The following CSMD2 variants were observed in gnomAD, a reference collection of about 807,000 sequenced individuals.
CSMD2 encodes the protein CUB and sushi domain-containing protein 2.
Under a neutral mutation model 398.5 loss-of-function variants are expected in CSMD2, and 130 were observed. The observed-to-expected ratio is 0.33, with a 90% CI of 0.28 to 0.38. CSMD2 has a LOEUF of 0.38. CSMD2 is among the 10% of genes least tolerant of loss of function. CSMD2 has a pLI of 1.00. For synonymous variants in CSMD2, 1,828 were observed against 1,908.5 expected (o/e 0.96, Z 1.10); for missense variants, 3,829 against 4,764.9 (o/e 0.80, Z 5.78).
intron 5 of CSMD2, among the ~76,000 whole-genome samples, chr1:33,879,532 T>C (rs928192015): frequency 4.6e-5 from 7 of 152,112 alleles, no homozygotes; most frequent in African/African-American, 1.4e-4. Flanking sequence ...ACCTGAGTCA[T>C]GTGACCACCT....
In CSMD2 at chr1:33,633,847, T is replaced by C. The variant is rs111330532; in HGVS notation, c.5087-312A>G. 2.0e-5 allele frequency among the ~76,000 whole-genome samples: 3 copies of C among 152,206 alleles called. No homozygotes were observed. The highest frequency in any genetic ancestry group is 7.2e-5 in the African/African-American group (3 of 41,458). Reference sequence around the variant, plus strand: ...CTTTGTTCCTTTCCCAGATAGCAGCTGCAGCAGCTATCTGGAGGCCATCAG... The same window carrying C: ...CTTTGTTCCTTTCCCAGATAGCAGCCGCAGCAGCTATCTGGAGGCCATCAG... On this transcript the variant is annotated intron_variant, in intron 31 of 70. Coordinates refer to ENST00000373381, the MANE Select transcript of CSMD2 (RefSeq NM_001281956.2). This position sits in a 1 kb window ranked among gnomAD's most constrained non-coding sequence, Gnocchi z 5.0.
chr1:34,050,016 G>A (rs1265746332), intron 2 of CSMD2, among the ~76,000 whole-genome samples: 1 of 152,196 alleles, frequency 6.6e-6, no homozygotes, highest in Non-Finnish European at 1.5e-5. Context: ...CTGCAAGCCA[G>A]GATGAAACCT....
At chr1:34,131,348 G>T (rs367791304) in intron 1 of CSMD2, among the ~76,000 whole-genome samples, 5 of 140,812 alleles carry the variant, frequency 3.6e-5, no homozygotes, top group East Asian at 2.0e-4. Context: ...GTGCAGGAGA[G>T]GGGGGGGTCT....
chr1:33,746,164 A>T (rs959804671), intron 13 of CSMD2, among the ~76,000 whole-genome samples: 2 of 152,212 alleles, frequency 1.3e-5, no homozygotes, highest in Non-Finnish European at 2.9e-5. Context: ...TTGAAATATT[A>T]CATTAGCACT....
chr1:33,624,979 A>C lies in CSMD2; in HGVS notation c.5500+72T>G, dbSNP rs1642013524. 1 of 1,470,850 alleles carries C rather than the reference A, an allele frequency of 6.8e-7. No individual in the cohort carries two copies. The highest frequency in any genetic ancestry group is 9.5e-7 in the Non-Finnish European group (1 of 1,055,412). The allele number at this position is 1,470,850 out of a possible 1,614,324, so 91.1% of individuals were successfully genotyped here. A position where few individuals can be genotyped will look rare whatever the true frequency, so the allele number is the denominator to read the frequency against. ...GTGTCGTGGGGCATCACTGGGGCTG[A>C]CTGCCTCCCCTACAGAGAAAGGACT... On this transcript the variant is annotated intron_variant, in intron 34 of 70. Transcript: ENST00000373381. This position sits in a 1 kb window ranked among gnomAD's most constrained non-coding sequence, Gnocchi z 4.7.
At chr1:33,573,852 G>A (rs548472430) in intron 49 of CSMD2, among the ~76,000 whole-genome samples, 3 of 152,198 alleles carry the variant, frequency 2.0e-5, no homozygotes, top group South Asian at 2.1e-4. Context: ...TCACCATCAC[G>A]GAATTTTGTG....
chr1:34,127,946 A>G (rs1662912649), intron 1 of CSMD2, among the ~76,000 whole-genome samples: 1 of 152,008 alleles, frequency 6.6e-6, no homozygotes, highest in Non-Finnish European at 1.5e-5. Flanking sequence ...GGGACCTTGC[A>G]TGGCTGGGCA....
Position 33,537,246 on chromosome 1 carries a change from G to A in CSMD2, c.9806-151C>T, listed in dbSNP as rs982051407. Reference sequence around the variant, plus strand: ...CCCCACCTGAGCCTTGGCCCTGGCTGTCTATTTGACTCCTCGAAGCACACT... The same window carrying A: ...CCCCACCTGAGCCTTGGCCCTGGCTATCTATTTGACTCCTCGAAGCACACT... On this transcript the variant is annotated intron_variant, in intron 61 of 70. Coordinates refer to ENST00000373381, the MANE Select transcript of CSMD2 (RefSeq NM_001281956.2). This position sits in a 1 kb window ranked among gnomAD's most constrained non-coding sequence, Gnocchi z 4.6. 1 of 1,111,962 alleles carries A rather than the reference G, an allele frequency of 9.0e-7. No homozygotes were observed. The highest frequency in any genetic ancestry group is 2.4e-5 in the East Asian group (1 of 41,454). 68.9% of individuals were successfully genotyped at this position (1,111,962 alleles called of 1,614,324 possible). A position where few individuals can be genotyped will look rare whatever the true frequency, so the allele number is the denominator to read the frequency against.
chr1:33,922,997 T>C (rs562425831), intron 4 of CSMD2, among the ~76,000 whole-genome samples: 162 of 152,352 alleles, frequency 1.1e-3, no homozygotes, highest in Non-Finnish European at 1.6e-3. Flanking sequence ...GTATGTATTG[T>C]GGAATGACTA....
At chr1:33,566,722 A>G (rs1659089012) in intron 53 of CSMD2, among the ~76,000 whole-genome samples, 1 of 152,250 alleles carries the variant, frequency 6.6e-6, no homozygotes, top group African/African-American at 2.4e-5. Flanking sequence ...AAAAACCACA[A>G]TGTGCAATGG....
At chr1:33,956,089 G>A (rs1344194215) in intron 3 of CSMD2, among the ~76,000 whole-genome samples, 1 of 151,710 alleles carries the variant, frequency 6.6e-6, no homozygotes, top group Non-Finnish European at 1.5e-5. Context: ...TCCTGGCTCT[G>A]TTCTTTTTAA....
chr1:33,542,255 C>T (rs141316719), intron 58 of CSMD2, among the ~76,000 whole-genome samples: 200 of 152,288 alleles, frequency 1.3e-3, no homozygotes, highest in Middle Eastern at 0.01. Flanking sequence ...CTCAGGAACC[C>T]GTACTGGGTG....
rs12029747 is a variant in CSMD2 at position 34,044,150 on chromosome 1, A to T, written c.405-11444T>A. Among the ~76,000 whole-genome samples the T allele has an allele frequency of 1.6e-3, 238 of 152,128 alleles. 7 individuals are homozygous for T. The East Asian group carries it at 0.045, about 29-fold the overall frequency. ...ATAAATCATGCGGGTGGTGATGCAG[A>T]CCCCCCAACACAGAGACTGACAAAT... On this transcript the variant is annotated intron_variant, in intron 2 of 70. Transcript: ENST00000373381.
Position 34,005,658 on chromosome 1 carries a change from C to T in CSMD2, c.517+26936G>A, listed in dbSNP as rs531707260. On this transcript the variant is annotated intron_variant, in intron 3 of 70. Coordinates refer to ENST00000373381, the MANE Select transcript of CSMD2 (RefSeq NM_001281956.2). ...TATAGTGTCTATGACTGAGTTTCTG[C>T]CTCAGTTTCCTTGACTCATGCTATA... Among the ~76,000 whole-genome samples, 4 of 152,276 alleles carry T rather than the reference C, an allele frequency of 2.6e-5. No individual in the cohort carries two copies. The South Asian group carries it at 6.2e-4, about 24-fold the overall frequency.
intron 6 of CSMD2, among the ~76,000 whole-genome samples, chr1:33,832,170 C>A (rs1323238483): frequency 7.3e-6 from 1 of 137,844 alleles, no homozygotes; most frequent in Non-Finnish European, 1.5e-5. Flanking sequence ...ACCTAATAGA[C>A]ATCTACAGAA....
Position 33,567,758 on chromosome 1 carries a change from A to C in CSMD2, c.8215T>G (p.Cys2739Gly). The C allele has an allele frequency of 6.2e-7, 1 of 1,614,072 alleles. No homozygotes were observed. Among genetic ancestry groups the C allele is most frequent in the Non-Finnish European group, 8.5e-7 (1 of 1,179,990 alleles). Residue 2739 changes from cysteine (C) to glycine (G), a missense_variant, in exon 53 of 71, where the codon TGT becomes GGT. By Grantham distance (159) the Cys-to-Gly change is radical. Around this residue, in one of 5 missense-constraint regions of CSMD2, gnomAD observed 917 missense variants for 1,199.5 expected, o/e 0.76. Transcript: ENST00000373381. ...TTGACAATGGGCTCAGGAGTCCCAC[A>C]GTGTCCAGCTTTGGTGAGGGATGGG... Reference protein sequence around the residue: ...SSPSLTKAGHCGTPEPIVNGH... With the variant: ...SSPSLTKAGHGGTPEPIVNGH...
At position 33,633,322 on chromosome 1, in the gene CSMD2, T is replaced by G; in HGVS notation, c.5200+100A>C. On this transcript the variant is annotated intron_variant, in intron 32 of 70. Coordinates refer to ENST00000373381, the MANE Select transcript of CSMD2 (RefSeq NM_001281956.2). This position sits in a 1 kb window ranked among gnomAD's most constrained non-coding sequence, Gnocchi z 5.0. Reference sequence around the variant, plus strand: ...CGACAGGCACGCAGAGCCGTAGGGTTCCACCTGCGGCCATGGGGTGCTTCT... The same window carrying G: ...CGACAGGCACGCAGAGCCGTAGGGTGCCACCTGCGGCCATGGGGTGCTTCT... 1 of 839,578 alleles carries G rather than the reference T, an allele frequency of 1.2e-6. No individual in the cohort carries two copies. Among genetic ancestry groups the G allele is most frequent in the Non-Finnish European group, 2.0e-6 (1 of 509,332 alleles). The allele number at this position is 839,578 out of a possible 1,614,324, so 52.0% of individuals were successfully genotyped here. A position where few individuals can be genotyped will look rare whatever the true frequency, so the allele number is the denominator to read the frequency against.
intron 3 of CSMD2, among the ~76,000 whole-genome samples, chr1:33,943,713 G>A (rs746721727): frequency 7.9e-5 from 12 of 151,958 alleles, no homozygotes; most frequent in Non-Finnish European, 1.6e-4. Context: ...TTCCAAACAG[G>A]AGCTGAGCCT....
At chr1:33,817,024 G>T (rs1461405564) in intron 9 of CSMD2, among the ~76,000 whole-genome samples, 2 of 152,210 alleles carry the variant, frequency 1.3e-5, no homozygotes, top group Non-Finnish European at 2.9e-5. Context: ...GGAATGGAAA[G>T]AGTTTTGTTC....
Sources: allele counts gnomAD v4.1 joint callset (sites outside exome capture counted in the v4.1 genomes callset), GRCh38; gene constraint gnomAD v4.1.1; regional missense constraint gnomAD v4.1.1; non-coding constraint Gnocchi (gnomAD v3.1); transcripts MANE v1.5; gene names NCBI Gene and HGNC (gene_info 2026-07-23, HGNC 2026-07-21).